CADPS2: variants seen among roughly 807,000 people sequenced by gnomAD.
The protein encoded by CADPS2 is calcium dependent secretion activator 2, also known as calcium-dependent secretion activator 2.
CADPS2 carries 93 observed loss-of-function variants against 172.5 expected under a neutral mutation model. The observed-to-expected ratio is 0.54, with a 90% CI of 0.46 to 0.64. The LOEUF (loss-of-function observed/expected upper bound fraction) is 0.64, where lower values mean the gene tolerates loss of function less well. Among genes scored for constraint, CADPS2 ranks in the 30% least tolerant of loss-of-function variants. CADPS2 has a pLI of 0.00. For synonymous variants in CADPS2, 546 were observed against 555.2 expected, an observed-to-expected ratio of 0.98 and a Z score of 0.23; for missense variants, 1,420 against 1,565.9, an observed-to-expected ratio of 0.91 and a Z score of 1.57.
chr7:122,678,584 C>T (rs2082625676), intron 2 of CADPS2, among the ~76,000 whole-genome samples: 1 of 152,186 alleles, frequency 6.6e-6, no homozygotes, highest in Non-Finnish European at 1.5e-5. Context: ...TCCTCCTGCA[C>T]TTAGCCTCTG....
At chr7:122,392,167 G>T (rs1044701699) in intron 22 of CADPS2, among the ~76,000 whole-genome samples, 1 of 152,060 alleles carries the variant, frequency 6.6e-6, no homozygotes, top group Admixed American at 6.6e-5. Context: ...GTAACTGCCC[G>T]AGTTTTCCCA....
intron 11 of CADPS2, among the ~76,000 whole-genome samples, chr7:122,487,250 T>TC (rs564087612): frequency 1.4e-4 from 22 of 151,740 alleles, no homozygotes; most frequent in African/African-American, 4.6e-4. Flanking sequence ...ACTGAAGAGA[T>TC]CCCCCCCACC....
intron 19 of CADPS2, among the ~76,000 whole-genome samples, chr7:122,411,279 G>A (rs974423703): frequency 3.7e-4 from 55 of 150,328 alleles, no homozygotes; most frequent in Non-Finnish European, 6.2e-4. Flanking sequence ...GGAGTGCAGC[G>A]GCACAATCTC....
chr7:122,594,598 T>C (rs953083210), intron 6 of CADPS2, among the ~76,000 whole-genome samples: 2 of 151,976 alleles, frequency 1.3e-5, no homozygotes, highest in African/African-American at 4.8e-5. Flanking sequence ...ATATTACACT[T>C]GTATCACTTT....
intron 9 of CADPS2, among the ~76,000 whole-genome samples, chr7:122,504,401 C>G (rs946219941): frequency 6.6e-6 from 1 of 152,072 alleles, no homozygotes. Context: ...GTTACTATAA[C>G]GCAGTATAGT....
chr7:122,702,780 T>G (rs768729068), intron 2 of CADPS2: 4 of 1,485,204 alleles, frequency 2.7e-6, no homozygotes. Context: ...GAGACAAACA[T>G]GAGAAAACAA....
intron 8 of CADPS2, among the ~76,000 whole-genome samples, chr7:122,536,145 G>T (rs998327037): frequency 1.3e-5 from 2 of 152,068 alleles, no homozygotes; most frequent in African/African-American, 4.8e-5. Context: ...TTAGACAAAT[G>T]ATATCCTTTT....
intron 1 of CADPS2, among the ~76,000 whole-genome samples, chr7:122,756,763 G>A (rs1465617264): frequency 1.3e-5 from 2 of 152,106 alleles, no homozygotes; most frequent in Non-Finnish European, 2.9e-5. Context: ...AGCCAGGCAT[G>A]GTGGCATGCA....
At chr7:122,864,171 T>A (rs1389847324) in intron 1 of CADPS2, among the ~76,000 whole-genome samples, 1 of 152,152 alleles carries the variant, frequency 6.6e-6, no homozygotes, top group Admixed American at 6.5e-5. Flanking sequence ...CTGTTGGCAA[T>A]GGTTTCAGAC....
At chr7:122,863,029 A>G (rs1219797732) in intron 1 of CADPS2, among the ~76,000 whole-genome samples, 1 of 152,194 alleles carries the variant, frequency 6.6e-6, no homozygotes, top group African/African-American at 2.4e-5. Flanking sequence ...AGGGCTTAAT[A>G]GTTTTTGCAT....
chr7:122,614,860 T>C (rs755537019), intron 6 of CADPS2, among the ~76,000 whole-genome samples: 5 of 152,210 alleles, frequency 3.3e-5, no homozygotes, highest in Non-Finnish European at 5.9e-5. Context: ...TAGGATTATG[T>C]ATTACCTTTC....
At chr7:122,694,495 C>G (rs1305030985) in intron 2 of CADPS2, among the ~76,000 whole-genome samples, 1 of 152,144 alleles carries the variant, frequency 6.6e-6, no homozygotes, top group African/African-American at 2.4e-5. Context: ...TAAAAATCAT[C>G]ACGGGACACA....
chr7:122,386,125 T>G (rs187657645), intron 24 of CADPS2, among the ~76,000 whole-genome samples: 2 of 152,192 alleles, frequency 1.3e-5, no homozygotes, highest in Non-Finnish European at 2.9e-5. Context: ...ATCTTTGGAC[T>G]ATTGCTATGT....
chr7:122,607,632 T>C (rs2073754256), intron 6 of CADPS2, among the ~76,000 whole-genome samples: 1 of 152,150 alleles, frequency 6.6e-6, no homozygotes, highest in African/African-American at 2.4e-5. Flanking sequence ...ACATCTGGAA[T>C]CTAAATCCAT....
At chr7:122,881,879 A>T (rs541317513) in intron 1 of CADPS2, among the ~76,000 whole-genome samples, 1 of 152,302 alleles carries the variant, frequency 6.6e-6, no homozygotes, top group Non-Finnish European at 1.5e-5. Context: ...TTCCCACAGA[A>T]AAGTAAAAGA....
At chr7:122,369,070 A>C (rs996438354) in intron 25 of CADPS2, among the ~76,000 whole-genome samples, 1 of 136,976 alleles carries the variant, frequency 7.3e-6, no homozygotes, top group South Asian at 2.4e-4. Flanking sequence ...TAATGCTCCT[A>C]TTTTTTTTCC....
chr7:122,736,566 C>A (rs148633563), intron 2 of CADPS2, among the ~76,000 whole-genome samples: 19 of 152,260 alleles, frequency 1.2e-4, no homozygotes, highest in African/African-American at 4.6e-4. Flanking sequence ...AAATTAGTTA[C>A]TAGCTTTAAT....
chr7:122,386,364 G>T, intron 24 of CADPS2: 1 of 1,118,218 alleles, frequency 8.9e-7, no homozygotes, highest in Non-Finnish European at 1.2e-6. Context: ...CAGAAGGGAA[G>T]AATAAAGAAA....
intron 1 of CADPS2, among the ~76,000 whole-genome samples, chr7:122,874,485 T>A (rs1820681376): frequency 6.6e-6 from 1 of 152,150 alleles, no homozygotes; most frequent in African/African-American, 2.4e-5. Context: ...TTCAATGCTA[T>A]CTCCATCAAG....
Sources: gnomAD v4.1 joint callset for allele counts (sites outside exome capture counted in the v4.1 genomes callset) on GRCh38, gnomAD v4.1.1 for gene constraint, MANE v1.5 for transcripts, NCBI Gene and HGNC (gene_info 2026-07-23, HGNC 2026-07-21) for gene names.